Variants in KANK1 observed in about 807,000 individuals in gnomAD.
KANK1 encodes KN motif and ankyrin repeat domain-containing protein 1.
KANK1 carries 109 observed loss-of-function variants against 106.2 expected under a neutral mutation model. That is an observed-to-expected ratio of 1.03 (90% CI 0.88 to 1.20). KANK1 has a LOEUF of 1.20. Ranked by LOEUF, KANK1 falls within the 50% of genes most tolerant of loss-of-function variation. The pLI, the probability that KANK1 is intolerant of heterozygous loss-of-function variation, is 0.00. For missense variants in KANK1, 2,399 were observed against 1,710.7 expected, an observed-to-expected ratio of 1.40 and a Z score of -7.10; for synonymous variants, 873 against 652.2, an observed-to-expected ratio of 1.34 and a Z score of -5.16.
chr9:717,697 C>A (rs1283441897), intron 3 of KANK1, among the ~76,000 whole-genome samples: 2 of 152,196 alleles, frequency 1.3e-5, no homozygotes, highest in African/African-American at 2.4e-5. Context: ...AAAGTTTATT[C>A]TTCCTGTAAA....
chr9:546,040 C>A (rs954930427), intron 1 of KANK1, among the ~76,000 whole-genome samples: 1 of 152,126 alleles, frequency 6.6e-6, no homozygotes, highest in Admixed American at 6.5e-5. Flanking sequence ...AGCCACCACA[C>A]CCTGCCAGTA....
intron 1 of KANK1, among the ~76,000 whole-genome samples, chr9:567,412 C>T (rs1314403012): frequency 6.6e-6 from 1 of 152,194 alleles, no homozygotes; most frequent in East Asian, 1.9e-4. Flanking sequence ...TTGGAAAGTG[C>T]TATTCTCATT....
intron 1 of KANK1, among the ~76,000 whole-genome samples, chr9:507,973 C>T (rs543328698): frequency 6.6e-6 from 1 of 151,530 alleles, no homozygotes. Flanking sequence ...GGCATGCGCC[C>T]CCACACTTGG....
chr9:544,270 C>A (rs777491021), intron 1 of KANK1, among the ~76,000 whole-genome samples: 5 of 152,288 alleles, frequency 3.3e-5, no homozygotes, highest in South Asian at 2.1e-4. Context: ...AGCCACCCCC[C>A]ACTTGGCCTC....
chr9:564,677 G>A (rs1351276297), intron 1 of KANK1, among the ~76,000 whole-genome samples: 2 of 152,050 alleles, frequency 1.3e-5, no homozygotes, highest in South Asian at 2.1e-4. Context: ...CTGAGCATGC[G>A]CTCAGCTCTG....
chr9:692,877 C>G (rs1820312606), intron 2 of KANK1, among the ~76,000 whole-genome samples: 1 of 152,096 alleles, frequency 6.6e-6, no homozygotes, highest in Admixed American at 6.6e-5. Flanking sequence ...ATTAGCTGAG[C>G]ATGGTGTCGT....
intron 3 of KANK1, among the ~76,000 whole-genome samples, chr9:480,653 G>C (rs2058187011): frequency 1.3e-5 from 2 of 152,240 alleles, no homozygotes; most frequent in South Asian, 4.1e-4. Context: ...CATCCAGAAA[G>C]AATTATTTTC....
intron 4 of KANK1, 132 bp from the exon 5 acceptor site, chr9:731,026 T>TTG: frequency 4.4e-6 from 2 of 459,440 alleles, no homozygotes; most frequent in South Asian, 6.8e-5. Context: ...CCATTGAATT[T>TTG]TGTGGAAACT....
chr9:642,562 C>T (rs1403707249), intron 1 of KANK1, among the ~76,000 whole-genome samples: 3 of 150,908 alleles, frequency 2.0e-5, no homozygotes, highest in Non-Finnish European at 2.9e-5. Flanking sequence ...TTCTTGGACA[C>T]ACTCAGCTAC....
chr9:745,014 G>A (rs1279008391), intron 11 of KANK1, 159 bp from the exon 12 acceptor site: 2 of 1,504,928 alleles, frequency 1.3e-6, no homozygotes, highest in African/African-American at 2.8e-5. Flanking sequence ...GCTGGCCTTG[G>A]AGCTGTGGAC....
In KANK1 at chr9:517,615, A is replaced by G. The variant is rs188595014; in HGVS notation, c.-84+12861A>G. Among the ~76,000 whole-genome samples, 25 of 151,754 alleles carry G rather than the reference A, an allele frequency of 1.6e-4. No homozygotes were observed. The East Asian group carries it at 3.7e-3, about 22-fold the overall frequency. ...TTTTTCACACTTTCTAGAGAAGGTA[A>G]GCATCTCTTCCTGAGAAAGAGTGGG... is the stretch of plus-strand genomic sequence containing the variant. On this transcript the variant is annotated intron_variant, in intron 1 of 11. Coordinates refer to ENST00000382297, the MANE Select transcript of KANK1 (RefSeq NM_015158.5).
chr9:686,952 C>T (rs1818724310), intron 2 of KANK1: 8 of 984,820 alleles, frequency 8.1e-6, no homozygotes, highest in Non-Finnish European at 7.2e-6. Context: ...GGGGCTTTTC[C>T]TCTGGGCTCT....
At chr9:626,049 A>G (rs1475321501) in intron 1 of KANK1, among the ~76,000 whole-genome samples, 1 of 152,130 alleles carries the variant, frequency 6.6e-6, no homozygotes, top group Non-Finnish European at 1.5e-5. Flanking sequence ...TTCTGACCTC[A>G]AGAGTCAGGA....
chr9:632,482 A>G (rs1308327146), intron 1 of KANK1, among the ~76,000 whole-genome samples: 1 of 152,208 alleles, frequency 6.6e-6, no homozygotes, highest in African/African-American at 2.4e-5. Context: ...ATTACTACAT[A>G]TACTGTAACT....
chr9:605,527 A>G (rs1184855369), intron 1 of KANK1, among the ~76,000 whole-genome samples: 1 of 151,664 alleles, frequency 6.6e-6, no homozygotes, highest in East Asian at 1.9e-4. Flanking sequence ...TGTAGACAGA[A>G]TGATCAGCCT....
At chr9:726,210 C>T (rs1830597653) in intron 3 of KANK1, among the ~76,000 whole-genome samples, 1 of 151,810 alleles carries the variant, frequency 6.6e-6, no homozygotes, top group South Asian at 2.1e-4. Context: ...CAGGCCTTTC[C>T]TACAAGGGGT....
intron 1 of KANK1, among the ~76,000 whole-genome samples, chr9:667,193 G>A (rs897618853): frequency 6.6e-6 from 1 of 151,908 alleles, no homozygotes; most frequent in Non-Finnish European, 1.5e-5. Context: ...GTCCAGGAAT[G>A]TATCTTTGTC....
At chr9:739,351 T>A (rs1483468587) in intron 8 of KANK1, among the ~76,000 whole-genome samples, 1 of 152,238 alleles carries the variant, frequency 6.6e-6, no homozygotes, top group African/African-American at 2.4e-5. Flanking sequence ...GCAATCATAC[T>A]GTCCAATTTT....
chr9:506,555 C>T (rs1039374719), intron 1 of KANK1, among the ~76,000 whole-genome samples: 2 of 151,748 alleles, frequency 1.3e-5, no homozygotes, highest in Admixed American at 6.6e-5. Context: ...TGTGCGTGTG[C>T]GTGCGCGCTC....
Sources: gnomAD v4.1 joint callset for allele counts (sites outside exome capture counted in the v4.1 genomes callset) on GRCh38, gnomAD v4.1.1 for gene constraint, MANE v1.5 for transcripts, NCBI Gene and HGNC (gene_info 2026-07-23, HGNC 2026-07-21) for gene names.